The following SCGB2B2 variants were observed in gnomAD, a reference collection of about 807,000 sequenced individuals.
SCGB2B2 encodes the protein secretoglobin family 2B member 2.
A neutral mutation model predicts 7.6 loss-of-function variants in SCGB2B2; 11 were observed. The ratio of observed to expected loss-of-function variants is 1.45; its 90% confidence interval spans 0.91 to 2.40. The LOEUF is 2.40. SCGB2B2 is among the 30% of genes most tolerant of loss of function. The pLI, the probability that SCGB2B2 is intolerant of heterozygous loss-of-function variation, is 0.00. For synonymous variants in SCGB2B2, 50 were observed against 48.6 expected (o/e 1.03, Z -0.12); for missense variants, 104 against 115.4 (o/e 0.90, Z 0.45).
chr19:34,672,235 T>G (rs1335529505), intron 1 of SCGB2B2, among the ~76,000 whole-genome samples: 1 of 152,056 alleles, frequency 6.6e-6, no homozygotes, highest in African/African-American at 2.4e-5. Context: ...CACATTTTTT[T>G]TTTTTGCTAG....
At chr19:34,665,096 C>T (rs1319652688) in intron 1 of SCGB2B2, among the ~76,000 whole-genome samples, 4 of 152,170 alleles carry the variant, frequency 2.6e-5, no homozygotes, top group Admixed American at 1.3e-4. Flanking sequence ...TCTCTGCCAC[C>T]GCTCACAGGA....
intron 1 of SCGB2B2, among the ~76,000 whole-genome samples, chr19:34,620,348 A>T (rs1043510979): frequency 6.6e-6 from 1 of 152,280 alleles, no homozygotes; most frequent in Middle Eastern, 3.4e-3. Context: ...TTATGCAGCC[A>T]TAAAAAAGGA....
intron 1 of SCGB2B2, among the ~76,000 whole-genome samples, chr19:34,655,103 A>C (rs900271969): frequency 1.1e-4 from 16 of 151,472 alleles, no homozygotes; most frequent in Non-Finnish European, 2.2e-4. Flanking sequence ...GTAAACAAAA[A>C]ATAAAATTCT....
intron 1 of SCGB2B2, among the ~76,000 whole-genome samples, chr19:34,642,852 A>G (rs900821776): frequency 2.0e-5 from 3 of 152,146 alleles, no homozygotes; most frequent in Non-Finnish European, 4.4e-5. Context: ...AATAAAAAAC[A>G]ATGCAATATC....
intron 1 of SCGB2B2, among the ~76,000 whole-genome samples, chr19:34,603,795 C>T (rs1318302556): frequency 6.1e-5 from 8 of 131,264 alleles, no homozygotes; most frequent in South Asian, 2.4e-4. Flanking sequence ...TGTTTTATTA[C>T]TTTTTTTTTT....
chr19:34,649,752 G>A lies in SCGB2B2; in HGVS notation c.-2032+25878C>T, dbSNP rs2087079846. On this transcript the variant is annotated intron_variant, in intron 1 of 3. Transcript: ENST00000601241. ...GCTTGTAACCTCCGCTACTCGGGAG[G>A]CTGAAGCAGGAGAATCACTTGAACC... Among the ~76,000 whole-genome samples, 6 of 151,546 alleles carry A rather than the reference G, an allele frequency of 4.0e-5. No homozygotes were observed. The South Asian group carries it at 1.2e-3, about 31-fold the overall frequency.
At chr19:34,648,036 G>A (rs2067526342) in intron 1 of SCGB2B2, among the ~76,000 whole-genome samples, 1 of 152,208 alleles carries the variant, frequency 6.6e-6, no homozygotes, top group Non-Finnish European at 1.5e-5. Flanking sequence ...TTGGGCTGGA[G>A]CAGCTGGGTG....
chr19:34,610,844 T>C (rs538600099), intron 1 of SCGB2B2, among the ~76,000 whole-genome samples: 13 of 151,986 alleles, frequency 8.6e-5, no homozygotes, highest in East Asian at 1.9e-4. Flanking sequence ...CAGAGTGAGT[T>C]TGAAAGAATT....
chr19:34,614,125 G>A (rs1277004139), intron 1 of SCGB2B2, among the ~76,000 whole-genome samples: 2 of 151,984 alleles, frequency 1.3e-5, no homozygotes. Context: ...CTTTTTTGGG[G>A]CCTTGGATCT....
rs142177025 is a variant in SCGB2B2, at chr19:34,594,275, C to G, written c.146G>C (p.Arg49Pro). The G allele has an allele frequency of 1.9e-6, 3 of 1,614,110 alleles. No homozygotes were observed. In the Admixed American group the frequency reaches 5.0e-5, roughly 27 times the overall value. ...SQDLLKEELARYNPSPLTEES... is the reference protein window; with the variant it reads ...SQDLLKEELAPYNPSPLTEES... ...CTCTGTCAGGGGACTGGGGTTGTAA[C>G]GAGCAAGCTCCTCCTTCAGGAGGTC... Residue 49 changes from arginine (R) to proline (P), a missense_variant, in exon 3 of 4, where the codon CGT becomes CCT. Physicochemically the swap from Arg to Pro is moderately radical, Grantham distance 103 (BLOSUM62 -2). Coordinates refer to ENST00000601241, the MANE Select transcript of SCGB2B2 (RefSeq NM_001025591.4).
chr19:34,631,272 G>C (rs1466886720), intron 1 of SCGB2B2, among the ~76,000 whole-genome samples: 2 of 151,362 alleles, frequency 1.3e-5, no homozygotes, highest in Non-Finnish European at 2.9e-5. Context: ...AATAAAAAAA[G>C]AGAAATTTGT....
chr19:34,663,451 G>A (rs1056220633), intron 1 of SCGB2B2, among the ~76,000 whole-genome samples: 1 of 152,160 alleles, frequency 6.6e-6, no homozygotes, highest in African/African-American at 2.4e-5. Context: ...AGATACAGGA[G>A]AACACACACG....
Position 34,638,592 on chromosome 19 carries a change from T to C in SCGB2B2, c.-2032+37038A>G, listed in dbSNP as rs1276924284. On this transcript the variant is annotated intron_variant, in intron 1 of 3. Coordinates refer to ENST00000601241, the MANE Select transcript of SCGB2B2 (RefSeq NM_001025591.4). ...CCAACTGTATTACCATTGGCCTTGATAGCAATCAGATTCATCCCCACCAGA... is the reference window on the plus strand; with the variant it reads ...CCAACTGTATTACCATTGGCCTTGACAGCAATCAGATTCATCCCCACCAGA... 2.0e-5 allele frequency among the ~76,000 whole-genome samples: 3 copies of C among 152,184 alleles called. No homozygotes were observed. The East Asian group carries it at 5.8e-4, about 29-fold the overall frequency.
At chr19:34,645,157 C>T (rs2066962326) in intron 1 of SCGB2B2, among the ~76,000 whole-genome samples, 1 of 152,160 alleles carries the variant, frequency 6.6e-6, no homozygotes, top group African/African-American at 2.4e-5. Flanking sequence ...AATAAACGCA[C>T]AGGCAAACAT....
At chr19:34,623,402 CT>C in intron 1 of SCGB2B2, among the ~76,000 whole-genome samples, 1 of 152,310 alleles carries the variant, frequency 6.6e-6, no homozygotes, top group South Asian at 2.1e-4. Flanking sequence ...CCACTTCCTC[CT>C]TTTGGAGTGA....
At chr19:34,588,011 A>C (rs1322527332), downstream of SCGB2B2, among the ~76,000 whole-genome samples, 2 of 152,124 alleles carry the variant, frequency 1.3e-5, no homozygotes, top group Non-Finnish European at 2.9e-5. Context: ...TCCTTCCCTG[A>C]GTTTGATATC....
At chr19:34,588,665 A>C (rs1024832991), downstream of SCGB2B2, among the ~76,000 whole-genome samples, 7 of 152,108 alleles carry the variant, frequency 4.6e-5, no homozygotes, top group Non-Finnish European at 1.0e-4. Context: ...TCCCTCTCTC[A>C]CTAGACTTTC....
intron 1 of SCGB2B2, among the ~76,000 whole-genome samples, chr19:34,623,229 CAG>C (rs1333918366): frequency 1.3e-5 from 2 of 152,130 alleles, no homozygotes; most frequent in African/African-American, 4.8e-5. Context: ...ATCCTTCCAG[CAG>C]AGTTTAAATA....
At chr19:34,656,596 T>C (rs908788307) in intron 1 of SCGB2B2, among the ~76,000 whole-genome samples, 1 of 151,196 alleles carries the variant, frequency 6.6e-6, no homozygotes, top group Non-Finnish European at 1.5e-5. Context: ...AAGCACAACC[T>C]TGTCTCAAAG....
Sources: allele counts gnomAD v4.1 joint callset (sites outside exome capture counted in the v4.1 genomes callset), GRCh38; gene constraint gnomAD v4.1.1; transcripts MANE v1.5; gene names NCBI Gene and HGNC (gene_info 2026-07-23, HGNC 2026-07-21).